Variants in MGAT4A observed in about 807,000 individuals in gnomAD.
MGAT4A encodes the protein alpha-1,3-mannosyl-glycoprotein 4-beta-N-acetylglucosaminyltransferase A.
Under a neutral mutation model 74.1 loss-of-function variants are expected in MGAT4A, and 33 were observed. The observed-to-expected ratio is 0.45, with a 90% CI of 0.34 to 0.60. The LOEUF is 0.60. MGAT4A is among the 20% of genes least tolerant of loss of function. The probability of loss-of-function intolerance (pLI) is 0.02; values close to 1 mark genes in which losing one functional copy is unlikely to be tolerated. For synonymous variants in MGAT4A, 198 were observed against 210.4 expected (o/e 0.94, Z 0.51); for missense variants, 479 against 628.3 (o/e 0.76, Z 2.54).
chr2:98,699,746 T>C (rs752218817), intron 2 of MGAT4A, among the ~76,000 whole-genome samples: 22 of 152,234 alleles, frequency 1.4e-4, no homozygotes, highest in Non-Finnish European at 2.4e-4. Flanking sequence ...ATGTACATTA[T>C]ACAATATGCA....
At chr2:98,666,560 G>A (rs1303261722) in intron 4 of MGAT4A, among the ~76,000 whole-genome samples, 1 of 152,112 alleles carries the variant, frequency 6.6e-6, no homozygotes, top group Non-Finnish European at 1.5e-5. Context: ...GGGCATGGTG[G>A]CGCATGCCTG....
At chr2:98,682,481 C>T (rs538545789) in intron 2 of MGAT4A, among the ~76,000 whole-genome samples, 1 of 146,734 alleles carries the variant, frequency 6.8e-6, no homozygotes, top group East Asian at 2.0e-4. Flanking sequence ...CAATAACTGA[C>T]TCAGGCAAGC....
chr2:98,660,725 T>C (rs1230584284), intron 5 of MGAT4A, among the ~76,000 whole-genome samples: 2 of 152,136 alleles, frequency 1.3e-5, no homozygotes, highest in Non-Finnish European at 2.9e-5. Context: ...GATATCCACA[T>C]ACAGATGAAT....
chr2:98,676,614 AG>A (rs1701979183), intron 3 of MGAT4A, among the ~76,000 whole-genome samples: 1 of 152,148 alleles, frequency 6.6e-6, no homozygotes, highest in African/African-American at 2.4e-5. Context: ...GTTATAAACT[AG>A]GGGGGAAAAA....
chr2:98,666,391 T>A (rs1701831382), intron 4 of MGAT4A, among the ~76,000 whole-genome samples: 1 of 152,144 alleles, frequency 6.6e-6, no homozygotes, highest in Non-Finnish European at 1.5e-5. Flanking sequence ...TTCCATAGAA[T>A]AATCTACCTC....
At chr2:98,666,911 G>A (rs2104276570) in intron 4 of MGAT4A, among the ~76,000 whole-genome samples, 1 of 152,256 alleles carries the variant, frequency 6.6e-6, no homozygotes, top group Non-Finnish European at 1.5e-5. Flanking sequence ...AGTTTAGATG[G>A]CACGTGATAT....
At chr2:98,699,158 C>T (rs1456654072) in intron 2 of MGAT4A, among the ~76,000 whole-genome samples, 2 of 152,164 alleles carry the variant, frequency 1.3e-5, no homozygotes, top group African/African-American at 4.8e-5. Context: ...CGAGTGCTGA[C>T]AACACGTGCA....
intron 2 of MGAT4A, among the ~76,000 whole-genome samples, chr2:98,689,588 T>C (rs1254922895): frequency 6.6e-6 from 1 of 152,200 alleles, no homozygotes; most frequent in African/African-American, 2.4e-5. Context: ...CTTTGGAGGC[T>C]GAAGCGGGTG....
At chr2:98,642,172 G>A (rs1484529653) in intron 10 of MGAT4A, among the ~76,000 whole-genome samples, 1 of 152,078 alleles carries the variant, frequency 6.6e-6, no homozygotes, top group African/African-American at 2.4e-5. Context: ...AAGAAAGGGA[G>A]GAAGAGTCAA....
rs1382946564 is a variant in MGAT4A at position 98,651,942 on chromosome 2, AC to A, written c.774+3502del. ...TACTTAGACAAAATAAGACTTTAAG[AC>A]AAAAACTGTCACAAGAGACAAAGAA... is the stretch of plus-strand genomic sequence containing the variant. On this transcript the variant is annotated intron_variant, in intron 8 of 15. Coordinates refer to ENST00000393487, the MANE Select transcript of MGAT4A (RefSeq NM_012214.3). Among the ~76,000 whole-genome samples the A allele has an allele frequency of 2.0e-5, 3 of 152,330 alleles. No homozygotes were observed. The East Asian group carries it at 5.8e-4, about 29-fold the overall frequency.
chr2:98,665,018 AC>A (rs994762461), intron 4 of MGAT4A, among the ~76,000 whole-genome samples: 2 of 152,234 alleles, frequency 1.3e-5, no homozygotes, highest in African/African-American at 4.8e-5. Flanking sequence ...ACTAAAAAAT[AC>A]TTATAATTCA....
chr2:98,654,264 C>G (rs1701626188), intron 8 of MGAT4A, among the ~76,000 whole-genome samples: 1 of 151,994 alleles, frequency 6.6e-6, no homozygotes, highest in South Asian at 2.1e-4. Context: ...GGCAAGGAGT[C>G]CCACTTTCAC....
intron 5 of MGAT4A, among the ~76,000 whole-genome samples, chr2:98,661,820 T>C (rs1040934949): frequency 6.6e-6 from 1 of 152,210 alleles, no homozygotes; most frequent in African/African-American, 2.4e-5. Context: ...TGGCAACAGC[T>C]TTCTAAGTAG....
intron 2 of MGAT4A, 100 bp downstream of exon 2, chr2:98,726,139 C>A: frequency 1.4e-6 from 1 of 718,434 alleles, no homozygotes; most frequent in Non-Finnish European, 2.3e-6. Flanking sequence ...TAGCATGTAA[C>A]ATGCAGATTG....
At position 98,622,421 on chromosome 2, in the gene MGAT4A, C is replaced by T; in HGVS notation, c.*3145G>A. The T allele has an allele frequency of 2.0e-6, 2 of 985,320 alleles. No individual in the cohort carries two copies. The highest frequency in any genetic ancestry group is 2.4e-6 in the Non-Finnish European group (2 of 829,804). 61.0% of individuals were successfully genotyped at this position (985,320 alleles called of 1,614,324 possible). On this transcript the variant is annotated 3_prime_UTR_variant, in exon 16 of 16. Transcript: ENST00000393487. ...TTTTATTTAAACAGCCCCCATGTGT[C>T]TACTGGCTATATGTGTTTTTAAAAC... is the stretch of plus-strand genomic sequence containing the variant.
intron 5 of MGAT4A, among the ~76,000 whole-genome samples, chr2:98,658,887 A>G (rs1324162168): frequency 6.6e-6 from 1 of 152,246 alleles, no homozygotes; most frequent in East Asian, 1.9e-4. Context: ...AAATTCTAAT[A>G]CTTCTTATTA....
chr2:98,664,119 A>G (rs529225764), intron 4 of MGAT4A, among the ~76,000 whole-genome samples: 1 of 150,040 alleles, frequency 6.7e-6, no homozygotes, highest in African/African-American at 2.4e-5. Flanking sequence ...AGGCACAAGA[A>G]TCGCCTGGGA....
intron 13 of MGAT4A, among the ~76,000 whole-genome samples, chr2:98,635,500 G>T (rs1476440609): frequency 6.6e-6 from 1 of 151,970 alleles, no homozygotes; most frequent in Non-Finnish European, 1.5e-5. Flanking sequence ...ATAATATATT[G>T]GTGGTTGGAA....
intron 2 of MGAT4A, among the ~76,000 whole-genome samples, chr2:98,696,136 G>A (rs1345988999): frequency 6.6e-6 from 1 of 152,118 alleles, no homozygotes; most frequent in Non-Finnish European, 1.5e-5. Flanking sequence ...GCACAACTCA[G>A]CCTACCAAAG....
Sources: allele counts gnomAD v4.1 joint callset (sites outside exome capture counted in the v4.1 genomes callset), GRCh38; gene constraint gnomAD v4.1.1; transcripts MANE v1.5; gene names NCBI Gene and HGNC (gene_info 2026-07-23, HGNC 2026-07-21).